The following PCDH9 variants were observed in gnomAD, a reference collection of about 807,000 sequenced individuals.
PCDH9 encodes the protein protocadherin-9.
Under a neutral mutation model 70.6 loss-of-function variants are expected in PCDH9, and 24 were observed. The observed-to-expected ratio is 0.34, with a 90% CI of 0.25 to 0.48. The LOEUF (loss-of-function observed/expected upper bound fraction) is 0.48. Among genes scored for constraint, PCDH9 ranks in the 20% least tolerant of loss-of-function variants. The pLI is 0.99. For synonymous variants in PCDH9, 562 were observed against 558.5 expected, an observed-to-expected ratio of 1.01 and a Z score of -0.09; for missense variants, 1,281 against 1,503.6, an observed-to-expected ratio of 0.85 and a Z score of 2.45.
rs116592511 is a variant in PCDH9, at chr13:66,761,456, G to A, written c.3139-130045C>T. ...ATTTCTACCCCCTTTATCTTCCTCC[G>A]CCCACTCTTGAATGCCAATCACTTG... On this transcript the variant is annotated intron_variant, in intron 3 of 4. Transcript: ENST00000377865. Among the ~76,000 whole-genome samples the A allele has an allele frequency of 4.0e-3, 607 of 151,828 alleles. 6 individuals carry two copies. Among genetic ancestry groups the A allele is most frequent in the African/African-American group, 0.013 (555 of 41,398 alleles).
chr13:66,738,153 G>C (rs551909641), intron 3 of PCDH9, among the ~76,000 whole-genome samples: 1,966 of 152,260 alleles, frequency 0.013, 48 homozygotes, highest in African/African-American at 0.043. Flanking sequence ...CTGAGAACGG[G>C]CAGACGGCCT....
intron 3 of PCDH9, among the ~76,000 whole-genome samples, chr13:66,738,865 T>A (rs1347393109): frequency 1.3e-5 from 2 of 150,342 alleles, no homozygotes; most frequent in Non-Finnish European, 3.0e-5. Flanking sequence ...CTACGTCTGA[T>A]TGGTGTACCT....
At chr13:66,709,695 T>C (rs531917547) in intron 3 of PCDH9, among the ~76,000 whole-genome samples, 1 of 152,148 alleles carries the variant, frequency 6.6e-6, no homozygotes, top group Non-Finnish European at 1.5e-5. Context: ...AATAAATATG[T>C]TTGTAACATG....
chr13:66,490,642 G>A (rs1654248667), intron 4 of PCDH9, among the ~76,000 whole-genome samples: 1 of 152,018 alleles, frequency 6.6e-6, no homozygotes, highest in Non-Finnish European at 1.5e-5. Flanking sequence ...TAATAGGTGA[G>A]GTGGTGGTCT....
chr13:66,472,352 T>C (rs1958636309), intron 4 of PCDH9, among the ~76,000 whole-genome samples: 1 of 150,838 alleles, frequency 6.6e-6, no homozygotes, highest in South Asian at 2.1e-4. Context: ...GGTGGATCAC[T>C]TGAGCAGAGG....
chr13:66,572,004 A>G (rs2076739517), intron 4 of PCDH9, among the ~76,000 whole-genome samples: 1 of 151,606 alleles, frequency 6.6e-6, no homozygotes, highest in African/African-American at 2.4e-5. Flanking sequence ...GTCACAATGG[A>G]AAAAAAAAGA....
chr13:66,357,466 C>A (rs1956403171), intron 4 of PCDH9, among the ~76,000 whole-genome samples: 1 of 151,990 alleles, frequency 6.6e-6, no homozygotes, highest in Non-Finnish European at 1.5e-5. Context: ...CAGAGAATAG[C>A]CACAATGAAT....
chr13:67,157,300 TCTC>T (rs993726813), intron 2 of PCDH9, among the ~76,000 whole-genome samples: 5 of 152,172 alleles, frequency 3.3e-5, no homozygotes, highest in South Asian at 2.1e-4. Context: ...AATTTAAAAA[TCTC>T]CTCCATTAAA....
intron 4 of PCDH9, among the ~76,000 whole-genome samples, chr13:66,344,141 T>G (rs540041943): frequency 2.0e-5 from 3 of 152,146 alleles, no homozygotes; most frequent in Non-Finnish European, 4.4e-5. Flanking sequence ...TGGGGTTTTT[T>G]TTGTTTTTGT....
chr13:67,040,557 A>C (rs2085092029), intron 2 of PCDH9, among the ~76,000 whole-genome samples: 1 of 152,080 alleles, frequency 6.6e-6, no homozygotes, highest in Non-Finnish European at 1.5e-5. Context: ...TCAGAACCCA[A>C]CCAGGCTGAC....
At chr13:66,510,531 C>T (rs1267177589) in intron 4 of PCDH9, among the ~76,000 whole-genome samples, 1 of 152,174 alleles carries the variant, frequency 6.6e-6, no homozygotes, top group East Asian at 1.9e-4. Context: ...CCACAACAGG[C>T]CCTGGTGTGT....
intron 4 of PCDH9, among the ~76,000 whole-genome samples, chr13:66,489,017 T>C (rs1317563031): frequency 6.6e-6 from 1 of 152,134 alleles, no homozygotes; most frequent in African/African-American, 2.4e-5. Context: ...AGTTACATTT[T>C]AAGTGCATTA....
chr13:66,733,644 A>C (rs2079105279), intron 3 of PCDH9, among the ~76,000 whole-genome samples: 1 of 148,714 alleles, frequency 6.7e-6, no homozygotes, highest in African/African-American at 2.5e-5. Flanking sequence ...GATTAGTGGC[A>C]TTTTCATATA....
intron 3 of PCDH9, among the ~76,000 whole-genome samples, chr13:66,679,546 G>C (rs2078290082): frequency 1.3e-5 from 2 of 150,358 alleles, no homozygotes; most frequent in South Asian, 4.2e-4. Context: ...ATTTTTTTTT[G>C]CTCCAAATTA....
chr13:66,380,110 T>C (rs748910784), intron 4 of PCDH9, among the ~76,000 whole-genome samples: 12 of 152,160 alleles, frequency 7.9e-5, no homozygotes, highest in Non-Finnish European at 1.6e-4. Flanking sequence ...ATGTAGCATA[T>C]AGAAAAAGTA....
At chr13:66,752,554 C>G (rs1452802053) in intron 3 of PCDH9, among the ~76,000 whole-genome samples, 1 of 152,188 alleles carries the variant, frequency 6.6e-6, no homozygotes, top group African/African-American at 2.4e-5. Flanking sequence ...ACCTTGGCCT[C>G]GCAAATGGCT....
At chr13:66,330,230 C>T (rs1466519552) in intron 4 of PCDH9, among the ~76,000 whole-genome samples, 1 of 152,180 alleles carries the variant, frequency 6.6e-6, no homozygotes, top group East Asian at 1.9e-4. Context: ...GGTCCAATAG[C>T]CTGGCACTGG....
chr13:66,534,757 A>AT (rs1281941167), intron 4 of PCDH9, among the ~76,000 whole-genome samples: 1 of 152,146 alleles, frequency 6.6e-6, no homozygotes, highest in East Asian at 1.9e-4. Context: ...GTGACTCAGA[A>AT]TAACTGTCTA....
At chr13:67,189,208 G>A (rs996967758) in intron 2 of PCDH9, among the ~76,000 whole-genome samples, 14 of 68,058 alleles carry the variant, frequency 2.1e-4, no homozygotes, top group African/African-American at 7.8e-4. Flanking sequence ...ACATATATAC[G>A]TGTGTGTGTG....
Sources: allele counts gnomAD v4.1 joint callset (sites outside exome capture counted in the v4.1 genomes callset), GRCh38; gene constraint gnomAD v4.1.1; transcripts MANE v1.5; gene names NCBI Gene and HGNC (gene_info 2026-07-23, HGNC 2026-07-21).